The following PIN4 variants were observed in gnomAD, a reference collection of about 807,000 sequenced individuals.
PIN4 encodes the protein peptidyl-prolyl cis-trans isomerase NIMA-interacting 4.
A neutral mutation model predicts 8.3 loss-of-function variants in PIN4; 3 were observed. The ratio of observed to expected loss-of-function variants is 0.36; its 90% CI spans 0.16 to 0.93. The LOEUF (loss-of-function observed/expected upper bound fraction) is 0.93, where lower values mean the gene tolerates loss of function less well. PIN4 is among the 40% of genes least tolerant of loss of function. The pLI is 0.44. For synonymous variants in PIN4, 18 were observed against 32.5 expected (o/e 0.55, Z 1.52); for missense variants, 75 against 100.6 (o/e 0.75, Z 1.09).
Position 72,206,574 on chromosome X carries a change from T to C in PIN4, c.312+9670T>C, listed in dbSNP as rs1602436355. The C allele has an allele frequency of 5.0e-6, 6 of 1,211,467 alleles. No individual in the cohort carries two copies. The African/African-American group carries it at 6.9e-5, about 14-fold the overall frequency. ...TTGAAGAAGGAAATACAGGTTCTCT[T>C]AGCCAGGCCCCCTCATTTCTAGTTC... On this transcript the variant is annotated intron_variant, in intron 3 of 3. Transcript: ENST00000423432.
chrX:72,254,065 G>A (rs2043098914), intron 3 of PIN4, among the ~76,000 whole-genome samples: 1 of 111,965 alleles, frequency 8.9e-6, no homozygotes, highest in South Asian at 3.8e-4. Context: ...AGCAGATCAG[G>A]TCACTCCTTT....
At chrX:72,208,089 G>A (rs2042831141) in intron 3 of PIN4, 1 of 1,209,826 alleles carries the variant, frequency 8.3e-7, no homozygotes, top group Admixed American at 2.2e-5. Flanking sequence ...CTTCATCGAG[G>A]ATGACATAGT....
chrX:72,260,462 C>T (rs1331075560), intron 3 of PIN4, among the ~76,000 whole-genome samples: 1 of 111,842 alleles, frequency 8.9e-6, no homozygotes, highest in African/African-American at 3.3e-5. Flanking sequence ...TATCCTTGGC[C>T]CTTGCCTATC....
intron 3 of PIN4, among the ~76,000 whole-genome samples, chrX:72,224,300 C>T (rs2042942245): frequency 9.0e-6 from 1 of 111,665 alleles, no homozygotes; most frequent in Admixed American, 9.5e-5. Flanking sequence ...CTCACTCACT[C>T]TTTCTTGGTC....
At chrX:72,196,927 A>G (rs754798908) in intron 3 of PIN4, 23 bp downstream of exon 3, 25 of 1,132,990 alleles carry the variant, frequency 2.2e-5, no homozygotes, top group Non-Finnish European at 2.8e-5. Flanking sequence ...TATTATTTAT[A>G]ATTTTCTCTC....
At chrX:72,229,591 G>C (rs1252754996) in intron 3 of PIN4, among the ~76,000 whole-genome samples, 1 of 111,328 alleles carries the variant, frequency 9.0e-6, no homozygotes, top group African/African-American at 3.3e-5. Context: ...CACGACAAAG[G>C]CCTGTTCTTT....
At chrX:72,214,499 C>T (rs1028408814) in intron 3 of PIN4, among the ~76,000 whole-genome samples, 1 of 109,258 alleles carries the variant, frequency 9.2e-6, no homozygotes, top group African/African-American at 3.3e-5. Context: ...CATGGTGAAA[C>T]CCATCTCTAC....
intron 3 of PIN4, among the ~76,000 whole-genome samples, chrX:72,260,256 G>A (rs772795297): frequency 1.9e-4 from 21 of 112,204 alleles, no homozygotes; most frequent in South Asian, 1.1e-3. Flanking sequence ...CAGTGGTGCC[G>A]CCCGGTGTCC....
chrX:72,205,275 C>T, intron 3 of PIN4: 1 of 1,211,981 alleles, frequency 8.3e-7, no homozygotes, highest in Non-Finnish European at 1.1e-6. Context: ...GAGCACTAGG[C>T]TTAGACGTCA....
chrX:72,186,637 A>G, intron 2 of PIN4, 103 bp downstream of exon 2: 1 of 553,160 alleles, frequency 1.8e-6, no homozygotes, highest in South Asian at 2.9e-5. Flanking sequence ...AGGCTAGCCT[A>G]ACACTGGTAT....
chrX:72,252,271 T>A (rs1049554525), intron 3 of PIN4, among the ~76,000 whole-genome samples: 2 of 111,332 alleles, frequency 1.8e-5, no homozygotes, highest in African/African-American at 6.5e-5. Context: ...TTTTATTTTT[T>A]ATTTTTTCGT....
chrX:72,192,894 C>T (rs922135971), intron 2 of PIN4, among the ~76,000 whole-genome samples: 1 of 111,749 alleles, frequency 8.9e-6, no homozygotes, highest in African/African-American at 3.3e-5. Context: ...CACTGCGCCT[C>T]GCCCCTTTTT....
intron 1 of PIN4, among the ~76,000 whole-genome samples, chrX:72,184,494 T>C (rs1252698527): frequency 9.1e-6 from 1 of 110,054 alleles, no homozygotes; most frequent in East Asian, 2.9e-4. Context: ...AGATAGATGG[T>C]GAGGTCACTC....
At chrX:72,199,059 A>G (rs751633550), downstream of PIN4, 3 of 108,581 alleles carry the variant, frequency 2.8e-5, no homozygotes, top group South Asian at 1.3e-3. Flanking sequence ...CTAAAAAAAA[A>G]TTTAAAGCTG....
intron 3 of PIN4, among the ~76,000 whole-genome samples, chrX:72,251,031 C>T (rs1255346342): frequency 1.0e-4 from 11 of 107,044 alleles, no homozygotes; most frequent in East Asian, 6.2e-4. Flanking sequence ...TGAGCCACCA[C>T]GCCCGGCCTG....
chrX:72,226,787 C>T (rs966799377), intron 3 of PIN4, among the ~76,000 whole-genome samples: 11 of 111,539 alleles, frequency 9.9e-5, no homozygotes, highest in Middle Eastern at 4.6e-3. Context: ...CTAATCACAG[C>T]GGGGGCACAA....
At chrX:72,207,577 G>A (rs189810726) in intron 3 of PIN4, 63 of 1,209,505 alleles carry the variant, frequency 5.2e-5, no homozygotes, top group Admixed American at 6.6e-5. Flanking sequence ...AGGTGAGCGC[G>A]TCTCCATTAG....
At chrX:72,223,074 C>T (rs1474439908) in intron 3 of PIN4, among the ~76,000 whole-genome samples, 3 of 103,929 alleles carry the variant, frequency 2.9e-5, no homozygotes, top group South Asian at 4.8e-4. Flanking sequence ...CAGTGGCTCA[C>T]GCCTGTAATC....
chrX:72,258,472 G>A (rs754956360), intron 3 of PIN4, among the ~76,000 whole-genome samples: 1 of 111,830 alleles, frequency 8.9e-6, no homozygotes, highest in Non-Finnish European at 1.9e-5. Flanking sequence ...AAAAGGCCTC[G>A]TGAACCATCT....
Sources: allele counts gnomAD v4.1 joint callset (sites outside exome capture counted in the v4.1 genomes callset), GRCh38; gene constraint gnomAD v4.1.1; transcripts MANE v1.5; gene names NCBI Gene and HGNC (gene_info 2026-07-23, HGNC 2026-07-21).